The following TOM1L1 variants were observed in gnomAD, a reference collection of about 807,000 sequenced individuals.
TOM1L1 encodes the protein TOM1-like protein 1.
TOM1L1 carries 64 observed loss-of-function variants against 63.4 expected under a neutral mutation model. The ratio of observed to expected loss-of-function variants is 1.01; its 90% CI spans 0.83 to 1.24. The LOEUF (loss-of-function observed/expected upper bound fraction) is 1.24. TOM1L1 is among the 50% of genes most tolerant of loss of function. TOM1L1 has a pLI of 0.00. For synonymous variants in TOM1L1, 166 were observed against 194.4 expected, an observed-to-expected ratio of 0.85 and a Z score of 1.22; for missense variants, 536 against 567.0, an observed-to-expected ratio of 0.95 and a Z score of 0.55.
chr17:54,914,059 TA>T (rs959278871), intron 5 of TOM1L1, among the ~76,000 whole-genome samples, 186 bp downstream of exon 5: 3 of 152,200 alleles, frequency 2.0e-5, no homozygotes, highest in African/African-American at 7.2e-5. Context: ...GTTTTGCTAC[TA>T]AAAGTATGAA....
Position 54,961,469 on chromosome 17 carries a change from T to C in TOM1L1, c.*236T>C. On this transcript the variant is annotated 3_prime_UTR_variant, in exon 16 of 16. Coordinates refer to ENST00000575882, the MANE Select transcript of TOM1L1 (RefSeq NM_005486.3). ...TTGGAACAAATACTCACTTAAAACTTCAGCAGAAGAAAAATTACTTAGTCC... is the reference window on the plus strand; with the variant it reads ...TTGGAACAAATACTCACTTAAAACTCCAGCAGAAGAAAAATTACTTAGTCC... The C allele has an allele frequency of 6.9e-7, 1 of 1,451,040 alleles. No homozygotes were observed. The highest frequency in any genetic ancestry group is 9.0e-7 in the Non-Finnish European group (1 of 1,105,806). 89.9% of individuals were successfully genotyped at this position (1,451,040 alleles called of 1,614,324 possible).
chr17:54,943,738 G>A (rs1048926810), intron 11 of TOM1L1, among the ~76,000 whole-genome samples: 1 of 151,938 alleles, frequency 6.6e-6, no homozygotes. Flanking sequence ...CAGCATTTTG[G>A]GAGGCTGAGG....
At chr17:54,928,287 G>C (rs1053553829) in intron 7 of TOM1L1, among the ~76,000 whole-genome samples, 3 of 151,922 alleles carry the variant, frequency 2.0e-5, no homozygotes, top group Non-Finnish European at 4.4e-5. Context: ...GACACTGTGG[G>C]GTTTCAATGG....
At chr17:54,901,059 C>A in intron 1 of TOM1L1, 136 bp downstream of exon 1, 1 of 1,213,508 alleles carries the variant, frequency 8.2e-7, no homozygotes, top group Non-Finnish European at 1.2e-6. Flanking sequence ...GCAACTTTCC[C>A]AAGGCACCCG....
chr17:54,937,481 T>C, intron 10 of TOM1L1: 1 of 449,914 alleles, frequency 2.2e-6, no homozygotes, highest in Non-Finnish European at 4.1e-6. Flanking sequence ...CCTGGCCTGC[T>C]TTGTAGAAGT....
intron 11 of TOM1L1, among the ~76,000 whole-genome samples, chr17:54,945,737 TTG>T (rs1444393201): frequency 1.3e-5 from 2 of 152,134 alleles, no homozygotes; most frequent in Non-Finnish European, 2.9e-5. Context: ...TCTTTATATC[TTG>T]TGTTTTTGCT....
In TOM1L1 at chr17:54,938,912, T is replaced by G; in HGVS notation, c.1034-12T>G. ...ATGTTTTAAAGCCAAACAAGTCCAT[T>G]TTGTGTTTTAGATTTCAGCCTTCCA... On this transcript the variant is annotated splice_polypyrimidine_tract_variant and intron_variant, in intron 10 of 15. Transcript: ENST00000575882. 1 of 1,578,450 alleles carries G rather than the reference T, an allele frequency of 6.3e-7. No homozygotes were observed. Among genetic ancestry groups the G allele is most frequent in the Non-Finnish European group, 8.7e-7 (1 of 1,151,692 alleles).
At chr17:54,951,539 T>C (rs1224436823) in intron 14 of TOM1L1, among the ~76,000 whole-genome samples, 1 of 152,120 alleles carries the variant, frequency 6.6e-6, no homozygotes, top group Admixed American at 6.5e-5. Context: ...AGATTCTGCT[T>C]CCAGAGGCTG....
chr17:54,926,464 G>T (rs904099948), intron 7 of TOM1L1, among the ~76,000 whole-genome samples: 2 of 152,022 alleles, frequency 1.3e-5, no homozygotes, highest in African/African-American at 2.4e-5. Context: ...CTTTTTGTTT[G>T]TTTGTTTGTT....
intron 3 of TOM1L1, among the ~76,000 whole-genome samples, chr17:54,910,916 G>A (rs976776463): frequency 1.3e-5 from 2 of 152,178 alleles, no homozygotes; most frequent in Non-Finnish European, 2.9e-5. Flanking sequence ...ACAAAGCATG[G>A]CATGAAGTCC....
At chr17:54,909,024 C>T (rs185997606) in intron 3 of TOM1L1, among the ~76,000 whole-genome samples, 37 of 152,130 alleles carry the variant, frequency 2.4e-4, no homozygotes, top group Admixed American at 2.0e-3. Context: ...TTTGGGAGGC[C>T]GAGGAGGGTA....
chr17:54,929,741 GT>G lies in TOM1L1; in HGVS notation c.721-317del, dbSNP rs61518775. Among the ~76,000 whole-genome samples, 314 of 142,006 alleles carry G rather than the reference GT, an allele frequency of 2.2e-3. 1 individual carries two copies. Among genetic ancestry groups the G allele is most frequent in the South Asian group, 5.3e-3 (24 of 4,518 alleles). The allele number at this position is 142,006 out of a possible 152,430, so 93.2% of individuals were successfully genotyped here. On this transcript the variant is annotated intron_variant, in intron 7 of 15. Coordinates refer to ENST00000575882, the MANE Select transcript of TOM1L1 (RefSeq NM_005486.3). ...GAAAACTGAGATTTAAAAAACATGT[GT>G]TTTTTTTTTTTTTTCCCCAACATGG...
At chr17:54,945,268 T>C (rs2049098386) in intron 11 of TOM1L1, among the ~76,000 whole-genome samples, 1 of 152,206 alleles carries the variant, frequency 6.6e-6, no homozygotes, top group Admixed American at 6.5e-5. Flanking sequence ...TTAAGATCCT[T>C]AGTTACATTT....
chr17:54,947,684 A>C (rs2049142566), intron 12 of TOM1L1, among the ~76,000 whole-genome samples: 2 of 152,134 alleles, frequency 1.3e-5, no homozygotes. Flanking sequence ...GACACCAGTC[A>C]CTTTGGTTCT....
chr17:54,961,393 C>T lies in TOM1L1; in HGVS notation c.*160C>T, dbSNP rs2077121599. On this transcript the variant is annotated 3_prime_UTR_variant, in exon 16 of 16. Transcript: ENST00000575882. ...ATGAAGATTAAATAGAATAACAGTT[C>T]CAGGATAACACTGATTCCTGACAAC... 2 of 1,546,818 alleles carry T rather than the reference C, an allele frequency of 1.3e-6. No individual in the cohort carries two copies. The highest frequency in any genetic ancestry group is 1.4e-5 in the African/African-American group (1 of 72,816).
At chr17:54,941,740 T>C (rs1343063558) in intron 11 of TOM1L1, among the ~76,000 whole-genome samples, 2 of 152,230 alleles carry the variant, frequency 1.3e-5, no homozygotes, top group Admixed American at 1.3e-4. Flanking sequence ...TAAAAATCAC[T>C]TGGGTGACTG....
At chr17:54,908,789 T>C (rs2048451818) in intron 3 of TOM1L1, among the ~76,000 whole-genome samples, 1 of 152,246 alleles carries the variant, frequency 6.6e-6, no homozygotes, top group Non-Finnish European at 1.5e-5. Flanking sequence ...AGGCTACTAT[T>C]ATTGTCAAAT....
Position 54,929,741 on chromosome 17 carries a change from G to GTTTTTTTTTT in TOM1L1, c.721-326_721-317dup, listed in dbSNP as rs61518775. 1.4e-5 allele frequency among the ~76,000 whole-genome samples: 2 copies of GTTTTTTTTTT among 142,010 alleles called. 1 individual carries two copies. The highest frequency in any genetic ancestry group is 3.1e-5 in the Non-Finnish European group (2 of 65,482). 93.2% of individuals were successfully genotyped at this position (142,010 alleles called of 152,430 possible). On this transcript the variant is annotated intron_variant, in intron 7 of 15. Transcript: ENST00000575882. ...GAAAACTGAGATTTAAAAAACATGT[G>GTTTTTTTTTT]TTTTTTTTTTTTTTTCCCCAACATG... is the stretch of plus-strand genomic sequence containing the variant.
chr17:54,943,192 T>C (rs2049058887), intron 11 of TOM1L1, among the ~76,000 whole-genome samples: 1 of 152,172 alleles, frequency 6.6e-6, no homozygotes, highest in Admixed American at 6.5e-5. Flanking sequence ...ACTAAAAGAT[T>C]AGGAGTTTCT....
Sources: allele counts gnomAD v4.1 joint callset (sites outside exome capture counted in the v4.1 genomes callset), GRCh38; gene constraint gnomAD v4.1.1; transcripts MANE v1.5; gene names NCBI Gene and HGNC (gene_info 2026-07-23, HGNC 2026-07-21).